TBC1D5: variants seen among roughly 807,000 people sequenced by gnomAD.
The protein encoded by TBC1D5 is TBC1 domain family member 5.
TBC1D5 carries 75 observed loss-of-function variants against 100.3 expected under a neutral mutation model. That is an observed-to-expected ratio of 0.75 (90% CI 0.62 to 0.91). The LOEUF (loss-of-function observed/expected upper bound fraction) is 0.91, where lower values mean the gene tolerates loss of function less well. Ranked by LOEUF, TBC1D5 falls within the 40% of genes least tolerant of loss-of-function variation. The probability of loss-of-function intolerance (pLI) is 0.00; values close to 1 mark genes in which losing one functional copy is unlikely to be tolerated. For missense variants in TBC1D5, 910 were observed against 942.4 expected (o/e 0.97, Z 0.45); for synonymous variants, 323 against 325.6 (o/e 0.99, Z 0.09).
At chr3:17,359,730 G>C (rs2091533115) in intron 13 of TBC1D5, among the ~76,000 whole-genome samples, 1 of 151,954 alleles carries the variant, frequency 6.6e-6, no homozygotes, top group Non-Finnish European at 1.5e-5. Flanking sequence ...TAATTACCAA[G>C]TATACTTAAT....
chr3:17,223,196 G>T (rs1240215903), intron 17 of TBC1D5, among the ~76,000 whole-genome samples: 1 of 151,932 alleles, frequency 6.6e-6, no homozygotes, highest in Non-Finnish European at 1.5e-5. Context: ...TAAATCAATT[G>T]CTTTCATGTT....
chr3:17,492,163 GTC>G (rs919673647), intron 3 of TBC1D5, among the ~76,000 whole-genome samples: 3 of 151,736 alleles, frequency 2.0e-5, no homozygotes, highest in Admixed American at 1.3e-4. Context: ...ATTTTTTATT[GTC>G]TCTGTTTTCT....
intron 1 of TBC1D5, among the ~76,000 whole-genome samples, chr3:17,674,543 T>C (rs2068378706): frequency 6.6e-6 from 1 of 152,200 alleles, no homozygotes; most frequent in African/African-American, 2.4e-5. Context: ...ATAAATCTAC[T>C]AGAGTGTGAT....
rs568864565 is a variant in TBC1D5, at chr3:17,537,533, T to C, written c.-35-28928A>G. ...GGGGGGCTCAGGATTTTATTTTTGG[T>C]TTATGCTCTGTATGCATTAAATATA... On this transcript the variant is annotated intron_variant, in intron 2 of 21. Transcript: ENST00000253692. Among the ~76,000 whole-genome samples, 5 of 152,328 alleles carry C rather than the reference T, an allele frequency of 3.3e-5. No homozygotes were observed. In the East Asian group the frequency reaches 7.7e-4, roughly 23 times the overall value.
At chr3:17,703,901 GTGT>G (rs1261785465) in intron 1 of TBC1D5, among the ~76,000 whole-genome samples, 1 of 87,786 alleles carries the variant, frequency 1.1e-5, no homozygotes, top group Non-Finnish European at 2.4e-5. Context: ...ATTGATATTT[GTGT>G]TTTTTTTTTG....
At chr3:17,432,264 T>C (rs553020642) in intron 3 of TBC1D5, among the ~76,000 whole-genome samples, 283 of 152,294 alleles carry the variant, frequency 1.9e-3, no homozygotes, top group Non-Finnish European at 2.9e-3. Context: ...ATGAGTTTAG[T>C]GTAAAGACCT....
At chr3:17,448,947 A>G (rs144786697) in intron 3 of TBC1D5, among the ~76,000 whole-genome samples, 74 of 152,330 alleles carry the variant, frequency 4.9e-4, no homozygotes, top group Middle Eastern at 3.4e-3. Context: ...GTCCTTATTC[A>G]TGGGATCTGG....
chr3:17,329,813 G>A (rs1217315973), intron 13 of TBC1D5, among the ~76,000 whole-genome samples: 1 of 152,076 alleles, frequency 6.6e-6, no homozygotes, highest in Non-Finnish European at 1.5e-5. Context: ...TCAAAGATAA[G>A]AACTAGTACT....
At chr3:17,219,741 G>A (rs905606614) in intron 17 of TBC1D5, among the ~76,000 whole-genome samples, 5 of 151,994 alleles carry the variant, frequency 3.3e-5, no homozygotes, top group Admixed American at 2.0e-4. Context: ...TGTAGAGCTC[G>A]AAAGAGGGTG....
intron 19 of TBC1D5, among the ~76,000 whole-genome samples, chr3:17,171,764 A>G (rs1440139414): frequency 1.3e-5 from 2 of 152,158 alleles, no homozygotes; most frequent in African/African-American, 2.4e-5. Flanking sequence ...GTGTCTCACC[A>G]TAAGTTTGGA....
chr3:17,185,147 A>T lies in TBC1D5; in HGVS notation c.1814T>A (p.Met605Lys), dbSNP rs994977268. ...CATCACCTTTGCACAGTATTTGCAC[A>T]TGGCATCCAGGTCATTCAACTGCCC... Residue 605 changes from methionine to lysine, a missense_variant, in exon 19 of 22, where the codon ATG becomes AAG. Coordinates refer to ENST00000253692, the Ensembl canonical transcript of TBC1D5. The T allele has an allele frequency of 2.5e-6, 4 of 1,613,722 alleles. No homozygotes were observed. The highest frequency in any genetic ancestry group is 3.4e-6 in the Non-Finnish European group (4 of 1,179,720).
chr3:17,672,479 T>C (rs2068053907), intron 1 of TBC1D5: 9 of 152,138 alleles, frequency 5.9e-5, no homozygotes, highest in Admixed American at 5.9e-4. Flanking sequence ...AAACTCCAAA[T>C]AGCACAGGTC....
chr3:17,404,356 C>T (rs17043568), intron 7 of TBC1D5, among the ~76,000 whole-genome samples: 13,856 of 151,900 alleles, frequency 0.091, 1,427 homozygotes, highest in African/African-American at 0.26. Flanking sequence ...TTTATTTTCA[C>T]GACGAAGGGA....
At chr3:17,184,971 T>G in intron 19 of TBC1D5, 138 bp downstream of exon 20, 1 of 580,036 alleles carries the variant, frequency 1.7e-6, no homozygotes. Flanking sequence ...GTAAGAGTAC[T>G]TCTATTATAT....
chr3:17,227,326 C>T (rs1489211422), intron 17 of TBC1D5, among the ~76,000 whole-genome samples: 2 of 152,000 alleles, frequency 1.3e-5, no homozygotes, highest in East Asian at 1.9e-4. Flanking sequence ...CTGATTAAAA[C>T]CTTTGGTGCT....
In TBC1D5 at chr3:17,313,231, C is replaced by A. The variant is rs551010211; in HGVS notation, c.996-5097G>T. ...AGTAACCTCTCTACCCTATCACTTA[C>A]TTGGGTTCCATCAAAAGTAAGCTAC... On this transcript the variant is annotated intron_variant, in intron 13 of 21. Coordinates refer to ENST00000253692, the Ensembl canonical transcript of TBC1D5. Among the ~76,000 whole-genome samples the A allele has an allele frequency of 7.2e-5, 11 of 152,266 alleles. No homozygotes were observed. In the South Asian group the frequency reaches 1.7e-3, roughly 23 times the overall value.
At chr3:17,672,665 T>A (rs1339336828) in intron 1 of TBC1D5, 1 of 152,194 alleles carries the variant, frequency 6.6e-6, no homozygotes, top group African/African-American at 2.4e-5. Flanking sequence ...GACAGTGTTG[T>A]CTGCAGGCTT....
chr3:17,225,012 C>A (rs796972961), intron 17 of TBC1D5, among the ~76,000 whole-genome samples: 39 of 152,240 alleles, frequency 2.6e-4, no homozygotes, highest in African/African-American at 8.7e-4. Flanking sequence ...CCTCTGGGAA[C>A]ACAAACATTC....
At chr3:17,507,391 A>G (rs1454338777) in intron 3 of TBC1D5, among the ~76,000 whole-genome samples, 1 of 152,188 alleles carries the variant, frequency 6.6e-6, no homozygotes, top group East Asian at 1.9e-4. Context: ...TAAGCTGGAC[A>G]AATTCTCTCC....
Sources: gnomAD v4.1 joint callset for allele counts (sites outside exome capture counted in the v4.1 genomes callset) on GRCh38, gnomAD v4.1.1 for gene constraint, MANE v1.5 for transcripts, NCBI Gene and HGNC (gene_info 2026-07-23, HGNC 2026-07-21) for gene names.